Variants in SCUBE1 observed in about 807,000 individuals in gnomAD.
The protein encoded by SCUBE1 is signal peptide, CUB domain and EGF like domain containing 1.
SCUBE1 carries 59 observed loss-of-function variants against 124.4 expected under a neutral mutation model. That is an observed-to-expected ratio of 0.47 (90% CI 0.38 to 0.59). The LOEUF is 0.59. Ranked by LOEUF, SCUBE1 falls within the 20% of genes least tolerant of loss-of-function variation. SCUBE1 has a pLI of 0.00. For synonymous variants in SCUBE1, 545 were observed against 550.9 expected (o/e 0.99, Z 0.15); for missense variants, 1,150 against 1,371.2 (o/e 0.84, Z 2.55).
chr22:43,335,293 G>T (rs958873943), intron 2 of SCUBE1, among the ~76,000 whole-genome samples: 2 of 152,144 alleles, frequency 1.3e-5, no homozygotes, highest in Non-Finnish European at 2.9e-5. Flanking sequence ...TATGTGTTGG[G>T]GGTATGAGGT....
intron 4 of SCUBE1, chr22:43,282,481 C>T (rs757746087): frequency 6.6e-6 from 1 of 152,238 alleles, no homozygotes; most frequent in Admixed American, 6.5e-5. Context: ...GCCTCCAATC[C>T]GTTGCTGTCC....
At chr22:43,336,380 A>G (rs1454793620) in intron 2 of SCUBE1, among the ~76,000 whole-genome samples, 1 of 152,150 alleles carries the variant, frequency 6.6e-6, no homozygotes, top group Non-Finnish European at 1.5e-5. Flanking sequence ...CCCTCTGTGG[A>G]TATCTTACAG....
At chr22:43,334,506 G>T (rs1322468419) in intron 2 of SCUBE1, among the ~76,000 whole-genome samples, 1 of 152,048 alleles carries the variant, frequency 6.6e-6, no homozygotes, top group African/African-American at 2.4e-5. Flanking sequence ...ACATAGTGAC[G>T]ATGATGATGA....
chr22:43,264,876 T>A (rs1236959746), intron 4 of SCUBE1, among the ~76,000 whole-genome samples: 4 of 152,218 alleles, frequency 2.6e-5, no homozygotes. Context: ...CCCCAAAGCC[T>A]CCTGGCTCCT....
In SCUBE1 at chr22:43,255,161, C is replaced by T. The variant is rs2146703357; in HGVS notation, c.727+3058G>A. 6.6e-6 allele frequency among the ~76,000 whole-genome samples: 1 copy of T among 152,380 alleles called. No individual in the cohort carries two copies. The highest frequency in any genetic ancestry group is 1.9e-4 in the East Asian group (1 of 5,190). On this transcript the variant is annotated intron_variant, in intron 6 of 21. Coordinates refer to ENST00000360835, the MANE Select transcript of SCUBE1 (RefSeq NM_173050.5). This position sits in a 1 kb window ranked among gnomAD's most constrained non-coding sequence, Gnocchi z 4.7. ...GAGCTTTACGACACACGTCTCCTTACACGCACAGGCCAGTGGATACTAGCC... is the reference window on the plus strand; with the variant it reads ...GAGCTTTACGACACACGTCTCCTTATACGCACAGGCCAGTGGATACTAGCC...
intron 6 of SCUBE1, among the ~76,000 whole-genome samples, chr22:43,241,145 C>T (rs1922988359): frequency 6.6e-6 from 1 of 152,194 alleles, no homozygotes; most frequent in African/African-American, 2.4e-5. Flanking sequence ...GGAAGCTCCA[C>T]CTGAAAGGTC....
At chr22:43,243,200 A>C (rs1243027782) in intron 6 of SCUBE1, among the ~76,000 whole-genome samples, 1 of 152,228 alleles carries the variant, frequency 6.6e-6, no homozygotes, top group East Asian at 1.9e-4. Flanking sequence ...CTGATAAGTA[A>C]GCCGGCCAAG....
chr22:43,229,811 C>T (rs2146677554), intron 8 of SCUBE1, among the ~76,000 whole-genome samples: 1 of 152,060 alleles, frequency 6.6e-6, no homozygotes, highest in East Asian at 1.9e-4. Context: ...GGTGTTTGTT[C>T]CTGGAAAGGA....
chr22:43,284,420 T>TGCCAGCTATA (rs1461471948), intron 4 of SCUBE1, among the ~76,000 whole-genome samples: 1 of 152,224 alleles, frequency 6.6e-6, no homozygotes, highest in East Asian at 1.9e-4. Context: ...CTGCAGGTGG[T>TGCCAGCTATA]GCCAGCTATA....
At chr22:43,267,438 C>G (rs558827070) in intron 4 of SCUBE1, among the ~76,000 whole-genome samples, 1 of 152,326 alleles carries the variant, frequency 6.6e-6, no homozygotes, top group East Asian at 1.9e-4. Context: ...TGAAAATGCT[C>G]TTATGGCATC....
At chr22:43,232,027 A>C (rs918225052) in intron 7 of SCUBE1, 152 bp from the exon 8 acceptor site, 1 of 749,852 alleles carries the variant, frequency 1.3e-6, no homozygotes, top group East Asian at 3.1e-5. Context: ...CCAGCTGTGC[A>C]GAGGGGTGGG....
chr22:43,210,322 G>T lies in SCUBE1; in HGVS notation c.2384-82C>A. 1 of 1,274,666 alleles carries T rather than the reference G, an allele frequency of 7.8e-7. No homozygotes were observed. Among genetic ancestry groups the T allele is most frequent in the Non-Finnish European group, 1.0e-6 (1 of 953,996 alleles). The allele number at this position is 1,274,666 out of a possible 1,614,324, so 79.0% of individuals were successfully genotyped here. Reference sequence around the variant, plus strand: ...CGGCCAGGCCTCTAACCACCTGGGAGGCCTAGGGCAGGGCTGGAAGGTGCT... The same window carrying T: ...CGGCCAGGCCTCTAACCACCTGGGATGCCTAGGGCAGGGCTGGAAGGTGCT... On this transcript the variant is annotated intron_variant, in intron 18 of 21. Coordinates refer to ENST00000360835, the MANE Select transcript of SCUBE1 (RefSeq NM_173050.5). The surrounding 1 kb of genome is among the most constrained non-coding windows in gnomAD (Gnocchi z 4.5).
At chr22:43,228,903 C>T (rs1349923268) in intron 9 of SCUBE1, among the ~76,000 whole-genome samples, 169 bp downstream of exon 9, 1 of 152,268 alleles carries the variant, frequency 6.6e-6, no homozygotes, top group African/African-American at 2.4e-5. Context: ...CCCAGCCCTG[C>T]CTCACTTGTC....
At chr22:43,300,528 G>A (rs911908972) in intron 3 of SCUBE1, among the ~76,000 whole-genome samples, 1 of 152,020 alleles carries the variant, frequency 6.6e-6, no homozygotes, top group Admixed American at 6.6e-5. Flanking sequence ...AGGTGGGCGT[G>A]GCGTCTCCAT....
chr22:43,317,728 CCTCT>C (rs1926400500), intron 3 of SCUBE1, among the ~76,000 whole-genome samples: 1 of 152,220 alleles, frequency 6.6e-6, no homozygotes, highest in African/African-American at 2.4e-5. Context: ...CTTTGAACTC[CCTCT>C]GTTACAGGTT....
chr22:43,337,230 C>T (rs1927112179), intron 2 of SCUBE1, among the ~76,000 whole-genome samples: 1 of 151,984 alleles, frequency 6.6e-6, no homozygotes, highest in African/African-American at 2.4e-5. Context: ...ACTCCTAACT[C>T]GGGGGTCAAG....
Position 43,321,374 on chromosome 22 carries a change from T to C in SCUBE1, c.221-1309A>G, listed in dbSNP as rs1227635188. Among the ~76,000 whole-genome samples, 8 of 151,978 alleles carry C rather than the reference T, an allele frequency of 5.3e-5. No individual in the cohort carries two copies. In the South Asian group the frequency reaches 6.2e-4, roughly 12 times the overall value. On this transcript the variant is annotated intron_variant, in intron 2 of 21. Transcript: ENST00000360835. ...GTCTGGAGAGCAGAGCTACTCACAG[T>C]GAGGGGAAGCCATGGGGCCAATGAA...
At position 43,197,302 on chromosome 22, in the gene SCUBE1, T is replaced by C. The variant is rs1200407645; in HGVS notation, c.*6695A>G. On this transcript the variant is annotated 3_prime_UTR_variant, in exon 22 of 22. Transcript: ENST00000360835. The stretch of plus-strand genomic sequence containing the variant: ...ATATTTAGGTTCATTTCCTGTTTAT[T>C]ATTAAAGTGATTTTCACAAATGTTT... The C allele has an allele frequency of 6.6e-6, 1 of 152,248 alleles. No homozygotes were observed. Among genetic ancestry groups the C allele is most frequent in the Non-Finnish European group, 1.5e-5 (1 of 68,046 alleles). 9.4% of individuals were successfully genotyped at this position (152,248 alleles called of 1,614,324 possible). A position where few individuals can be genotyped will look rare whatever the true frequency, so the allele number is the denominator to read the frequency against.
At chr22:43,309,607 G>C (rs1490665807) in intron 3 of SCUBE1, among the ~76,000 whole-genome samples, 1 of 152,098 alleles carries the variant, frequency 6.6e-6, no homozygotes, top group Non-Finnish European at 1.5e-5. Context: ...TTTGACTACA[G>C]ACTTCTAAGC....
Sources: gnomAD v4.1 joint callset for allele counts (sites outside exome capture counted in the v4.1 genomes callset) on GRCh38, gnomAD v4.1.1 for gene constraint, Gnocchi (gnomAD v3.1) non-coding constraint, MANE v1.5 for transcripts, NCBI Gene and HGNC (gene_info 2026-07-23, HGNC 2026-07-21) for gene names.